Variants in CADM2 observed in about 807,000 individuals in gnomAD.
The protein encoded by CADM2 is immunoglobulin superfamily member 4D.
In CADM2, 12 loss-of-function variants were observed where a neutral mutation model predicts 49.8. The observed-to-expected ratio is 0.24, with a 90% CI of 0.15 to 0.39. CADM2 has a LOEUF of 0.39. Among genes scored for constraint, CADM2 ranks in the 10% least tolerant of loss-of-function variants. The probability of loss-of-function intolerance (pLI) is 1.00; values close to 1 mark genes in which losing one functional copy is unlikely to be tolerated. For synonymous variants in CADM2, 214 were observed against 175.4 expected (o/e 1.22, Z -1.74); for missense variants, 378 against 492.3 (o/e 0.77, Z 2.20).
At chr3:85,746,522 A>G (rs1281793988) in intron 2 of CADM2, among the ~76,000 whole-genome samples, 3 of 152,156 alleles carry the variant, frequency 2.0e-5, no homozygotes, top group Non-Finnish European at 4.4e-5. Context: ...ATCATTTCAT[A>G]TGTGCCTGCC....
intron 1 of CADM2, among the ~76,000 whole-genome samples, chr3:85,702,163 T>G (rs530656812): frequency 3.2e-4 from 48 of 152,294 alleles, no homozygotes; most frequent in South Asian, 2.7e-3. Flanking sequence ...CTTGAAATTC[T>G]TCTGCAGCCT....
chr3:85,238,276 AT>A (rs1357633755), intron 1 of CADM2, among the ~76,000 whole-genome samples: 1 of 151,994 alleles, frequency 6.6e-6, no homozygotes, highest in Non-Finnish European at 1.5e-5. Flanking sequence ...ATGGTATACC[AT>A]TTTTAATGAG....
intron 1 of CADM2, among the ~76,000 whole-genome samples, chr3:85,246,131 T>C (rs575341139): frequency 4.0e-4 from 61 of 152,220 alleles, no homozygotes; most frequent in Admixed American, 2.1e-3. Context: ...AAAGGATGAG[T>C]TCATGTCCTT....
chr3:85,469,773 G>C (rs2038685278), intron 1 of CADM2, among the ~76,000 whole-genome samples: 1 of 152,156 alleles, frequency 6.6e-6, no homozygotes, highest in Admixed American at 6.6e-5. Flanking sequence ...ATTGACTGTA[G>C]TATGTTAACT....
At chr3:84,964,208 G>T (rs1284748460) in intron 1 of CADM2, among the ~76,000 whole-genome samples, 1 of 152,122 alleles carries the variant, frequency 6.6e-6, no homozygotes, top group Non-Finnish European at 1.5e-5. Flanking sequence ...AATAGTGGTA[G>T]AATGTCATTT....
intron 1 of CADM2, among the ~76,000 whole-genome samples, chr3:85,021,383 T>C (rs2034502835): frequency 6.6e-6 from 1 of 152,208 alleles, no homozygotes; most frequent in Non-Finnish European, 1.5e-5. Context: ...TTATCGAGAA[T>C]GTCACCTTTA....
intron 1 of CADM2, among the ~76,000 whole-genome samples, chr3:85,030,050 C>G (rs536696571): frequency 6.6e-6 from 1 of 152,242 alleles, no homozygotes; most frequent in Non-Finnish European, 1.5e-5. Flanking sequence ...TTCCTCTGCT[C>G]CAGTCTACTT....
At chr3:85,132,529 A>G (rs2107611895) in intron 1 of CADM2, among the ~76,000 whole-genome samples, 1 of 152,206 alleles carries the variant, frequency 6.6e-6, no homozygotes, top group Middle Eastern at 3.4e-3. Flanking sequence ...TCTACAACTG[A>G]TATTTCAAGT....
chr3:85,608,803 T>A (rs1345152031), intron 1 of CADM2, among the ~76,000 whole-genome samples: 2 of 152,028 alleles, frequency 1.3e-5, no homozygotes, highest in African/African-American at 2.4e-5. Context: ...TACCTTAGGG[T>A]AAGTAATAAT....
intron 3 of CADM2, among the ~76,000 whole-genome samples, chr3:85,833,066 T>A (rs1043532723): frequency 6.6e-6 from 1 of 151,760 alleles, no homozygotes; most frequent in Admixed American, 6.6e-5. Flanking sequence ...ATCAAAAGCA[T>A]TTCTGCATCA....
At chr3:85,223,624 T>C (rs968409705) in intron 1 of CADM2, among the ~76,000 whole-genome samples, 1 of 152,146 alleles carries the variant, frequency 6.6e-6, no homozygotes, top group Non-Finnish European at 1.5e-5. Flanking sequence ...TTTATTACTC[T>C]TTAAGTTCTG....
chr3:85,713,785 A>G (rs1304192407), intron 1 of CADM2, among the ~76,000 whole-genome samples: 1 of 152,236 alleles, frequency 6.6e-6, no homozygotes, highest in Non-Finnish European at 1.5e-5. Context: ...GATGGATTAT[A>G]AATAGGTATC....
intron 2 of CADM2, among the ~76,000 whole-genome samples, chr3:85,799,074 T>A (rs1341250866): frequency 6.6e-6 from 1 of 152,146 alleles, no homozygotes; most frequent in African/African-American, 2.4e-5. Flanking sequence ...TCTCTGTTTG[T>A]CTGTTATTGT....
rs753542548 is a variant in CADM2, at chr3:85,563,412, G to GGGGGGC, written c.62-163105_62-163104insCGGGGG. Among the ~76,000 whole-genome samples the GGGGGGC allele has an allele frequency of 9.4e-4, 46 of 48,720 alleles. 2 individuals carry two copies. The highest frequency in any genetic ancestry group is 3.0e-3 in the Non-Finnish European group (41 of 13,578). 32.0% of individuals were successfully genotyped at this position (48,720 alleles called of 152,430 possible). The stretch of plus-strand genomic sequence containing the variant: ...AAACAGGGAATTTTTGTGTGTGTGT[G>GGGGGGC]GGGGGGTGGTAATTTAGCTAAAATT... On this transcript the variant is annotated intron_variant, in intron 1 of 9. Transcript: ENST00000383699.
At chr3:85,644,744 ACT>A (rs1220682235) in intron 1 of CADM2, among the ~76,000 whole-genome samples, 2 of 152,196 alleles carry the variant, frequency 1.3e-5, no homozygotes, top group African/African-American at 4.8e-5. Flanking sequence ...GAAGTAAGTA[ACT>A]CTGGCTCATT....
intron 1 of CADM2, among the ~76,000 whole-genome samples, chr3:85,463,834 A>G (rs960098641): frequency 2.0e-5 from 3 of 152,128 alleles, no homozygotes; most frequent in African/African-American, 7.2e-5. Flanking sequence ...TGTATTTACA[A>G]TTCTGACAAA....
intron 1 of CADM2, among the ~76,000 whole-genome samples, chr3:85,668,491 G>A (rs896274837): frequency 1.3e-5 from 2 of 152,072 alleles, no homozygotes; most frequent in African/African-American, 4.8e-5. Flanking sequence ...ATTCCCATGT[G>A]TTGTGGGAGG....
At chr3:85,311,607 A>T (rs2044346132) in intron 1 of CADM2, among the ~76,000 whole-genome samples, 1 of 151,842 alleles carries the variant, frequency 6.6e-6, no homozygotes, top group Non-Finnish European at 1.5e-5. Flanking sequence ...TGATCTCCTG[A>T]TCTCGTGATC....
chr3:85,434,391 A>G (rs763375004), intron 1 of CADM2, among the ~76,000 whole-genome samples: 6 of 151,948 alleles, frequency 3.9e-5, no homozygotes, highest in Non-Finnish European at 7.4e-5. Flanking sequence ...TTTATTAGTT[A>G]TGATTATCTT....
Sources: allele counts gnomAD v4.1 joint callset (sites outside exome capture counted in the v4.1 genomes callset), GRCh38; gene constraint gnomAD v4.1.1; transcripts MANE v1.5; gene names NCBI Gene and HGNC (gene_info 2026-07-23, HGNC 2026-07-21).